Variants in DEPTOR observed in about 807,000 individuals in gnomAD.
DEPTOR encodes the protein DEP domain-containing mTOR-interacting protein.
A neutral mutation model predicts 41.6 loss-of-function variants in DEPTOR; 41 were observed. The observed-to-expected ratio is 0.98, with a 90% CI of 0.77 to 1.28. The LOEUF (loss-of-function observed/expected upper bound fraction) is 1.28. DEPTOR is among the 50% of genes most tolerant of loss of function. DEPTOR has a pLI of 0.00. For missense variants in DEPTOR, 514 were observed against 527.9 expected (o/e 0.97, Z 0.26); for synonymous variants, 195 against 192.3 (o/e 1.01, Z -0.12).
At chr8:120,018,754 C>T (rs1255499507) in intron 8 of DEPTOR, among the ~76,000 whole-genome samples, 3 of 152,166 alleles carry the variant, frequency 2.0e-5, no homozygotes, top group African/African-American at 4.8e-5. Flanking sequence ...CTGGGAGGAG[C>T]AAGATGACCA....
At chr8:119,903,378 G>A (rs11988603) in intron 1 of DEPTOR, among the ~76,000 whole-genome samples, 32,945 of 152,056 alleles carry the variant, frequency 0.22, 4,108 homozygotes, top group African/African-American at 0.32. Context: ...GATTACAGGC[G>A]TGAGCCACTG....
chr8:119,982,453 G>A (rs527524007), intron 4 of DEPTOR, among the ~76,000 whole-genome samples: 1 of 152,326 alleles, frequency 6.6e-6, no homozygotes, highest in East Asian at 1.9e-4. Context: ...TTGAATTTGG[G>A]ATGCTAGCTG....
chr8:120,011,370 G>A (rs1812529449), intron 8 of DEPTOR, among the ~76,000 whole-genome samples: 1 of 152,174 alleles, frequency 6.6e-6, no homozygotes, highest in Non-Finnish European at 1.5e-5. Flanking sequence ...ACCTTCCCAG[G>A]ACTGCAGCAG....
chr8:119,989,999 G>A (rs1232178966), intron 4 of DEPTOR, among the ~76,000 whole-genome samples: 2 of 152,184 alleles, frequency 1.3e-5, no homozygotes, highest in African/African-American at 2.4e-5. Context: ...TTTGCCGGAT[G>A]AAATAATTTT....
chr8:119,919,550 T>C (rs750814033), intron 1 of DEPTOR, among the ~76,000 whole-genome samples: 1 of 152,222 alleles, frequency 6.6e-6, no homozygotes, highest in East Asian at 1.9e-4. Flanking sequence ...TATATTTCCA[T>C]TTTGTTTTTT....
At chr8:119,909,965 G>A (rs1381803444) in intron 1 of DEPTOR, among the ~76,000 whole-genome samples, 1 of 152,232 alleles carries the variant, frequency 6.6e-6, no homozygotes, top group African/African-American at 2.4e-5. Flanking sequence ...ACCACCTAAA[G>A]TCTCACTCAC....
intron 7 of DEPTOR, among the ~76,000 whole-genome samples, chr8:120,007,729 C>T (rs1374032325): frequency 6.6e-6 from 1 of 152,142 alleles, no homozygotes; most frequent in Admixed American, 6.5e-5. Context: ...ATTCTGAATG[C>T]TGAGGAGTTA....
intron 1 of DEPTOR, among the ~76,000 whole-genome samples, chr8:119,884,357 C>T (rs1025951428): frequency 2.0e-5 from 3 of 152,112 alleles, no homozygotes; most frequent in Non-Finnish European, 2.9e-5. Context: ...TGCACCTGGC[C>T]GGTTGCATTT....
At chr8:119,875,697 G>A (rs1263450054) in intron 1 of DEPTOR, among the ~76,000 whole-genome samples, 1 of 152,144 alleles carries the variant, frequency 6.6e-6, no homozygotes, top group Non-Finnish European at 1.5e-5. Flanking sequence ...TGGGACGAGG[G>A]GTGCAGGGGA....
chr8:119,925,565 G>T (rs1827953965), intron 1 of DEPTOR, among the ~76,000 whole-genome samples: 1 of 152,094 alleles, frequency 6.6e-6, no homozygotes, highest in Admixed American at 6.6e-5. Flanking sequence ...TACAATTCAA[G>T]GTGAAATTTG....
intron 1 of DEPTOR, among the ~76,000 whole-genome samples, chr8:119,914,215 T>C (rs1202925694): frequency 1.4e-5 from 2 of 140,434 alleles, no homozygotes; most frequent in Non-Finnish European, 3.1e-5. Context: ...CTAATTTTTG[T>C]ATTTTTAGTA....
At chr8:119,921,229 G>T (rs1237789733) in intron 1 of DEPTOR, among the ~76,000 whole-genome samples, 1 of 152,092 alleles carries the variant, frequency 6.6e-6, no homozygotes, top group Non-Finnish European at 1.5e-5. Context: ...CACCAGCCTC[G>T]GCCTCCCAAA....
At chr8:119,972,454 C>G (rs1828644883) in intron 4 of DEPTOR, among the ~76,000 whole-genome samples, 1 of 152,060 alleles carries the variant, frequency 6.6e-6, no homozygotes, top group South Asian at 2.1e-4. Context: ...GAAACTCTGT[C>G]TCTACCAAAA....
intron 1 of DEPTOR, among the ~76,000 whole-genome samples, chr8:119,918,377 G>A (rs1173871637): frequency 2.0e-5 from 3 of 152,136 alleles, no homozygotes; most frequent in African/African-American, 7.2e-5. Flanking sequence ...ATAGGAGTTA[G>A]GACTCTGACT....
intron 4 of DEPTOR, among the ~76,000 whole-genome samples, chr8:119,972,224 G>A (rs1034715892): frequency 6.6e-6 from 1 of 152,190 alleles, no homozygotes; most frequent in Non-Finnish European, 1.5e-5. Flanking sequence ...GAAATGTATA[G>A]AGCTCTTACT....
At chr8:120,025,162 A>G (rs914224720) in intron 8 of DEPTOR, among the ~76,000 whole-genome samples, 6 of 152,348 alleles carry the variant, frequency 3.9e-5, no homozygotes, top group African/African-American at 1.2e-4. Context: ...TTTTAATTAA[A>G]TGTAATGTTT....
At chr8:120,042,069 C>T (rs988079350) in intron 8 of DEPTOR, among the ~76,000 whole-genome samples, 1 of 147,780 alleles carries the variant, frequency 6.8e-6, no homozygotes, top group African/African-American at 2.5e-5. Flanking sequence ...TCTTTGGAAA[C>T]AGATCCGATA....
intron 4 of DEPTOR, among the ~76,000 whole-genome samples, chr8:119,997,607 A>AC (rs1812285806): frequency 6.6e-6 from 1 of 152,160 alleles, no homozygotes. Flanking sequence ...AACTTTATTC[A>AC]TTTGGCCAAA....
chr8:119,923,754 T>C (rs1827927520), intron 1 of DEPTOR, among the ~76,000 whole-genome samples: 2 of 152,148 alleles, frequency 1.3e-5, no homozygotes, highest in African/African-American at 4.8e-5. Flanking sequence ...TTTAAATTGT[T>C]TTAAAATTTT....
Sources: gnomAD v4.1 joint callset for allele counts (sites outside exome capture counted in the v4.1 genomes callset) on GRCh38, gnomAD v4.1.1 for gene constraint, MANE v1.5 for transcripts, NCBI Gene and HGNC (gene_info 2026-07-23, HGNC 2026-07-21) for gene names.